The following CNTN1 variants were observed in gnomAD, a reference collection of about 807,000 sequenced individuals.
The protein encoded by CNTN1 is contactin 1.
A neutral mutation model predicts 126.4 loss-of-function variants in CNTN1; 38 were observed. The observed-to-expected ratio is 0.30, with a 90% CI of 0.23 to 0.39. The LOEUF (loss-of-function observed/expected upper bound fraction) is 0.39, where lower values mean the gene tolerates loss of function less well. Ranked by LOEUF, CNTN1 falls within the 10% of genes least tolerant of loss-of-function variation. The pLI is 1.00. For synonymous variants in CNTN1, 413 were observed against 422.6 expected, an observed-to-expected ratio of 0.98 and a Z score of 0.28; for missense variants, 1,009 against 1,248.4, an observed-to-expected ratio of 0.81 and a Z score of 2.89.
intron 1 of CNTN1, among the ~76,000 whole-genome samples, chr12:40,834,460 A>AGG (rs1941972308): frequency 6.6e-6 from 1 of 152,174 alleles, no homozygotes; most frequent in African/African-American, 2.4e-5. Context: ...AGCAGATGGA[A>AGG]GGGCAGCAAG....
chr12:41,056,010 G>GGTACCCT (rs1355927413), intron 23 of CNTN1, among the ~76,000 whole-genome samples: 1 of 152,012 alleles, frequency 6.6e-6, no homozygotes, highest in Non-Finnish European at 1.5e-5. Context: ...TGGATTAAGT[G>GGTACCCT]GTACCCTAAA....
chr12:40,905,114 T>C (rs1375880322), intron 1 of CNTN1, among the ~76,000 whole-genome samples: 2 of 152,270 alleles, frequency 1.3e-5, no homozygotes, highest in Non-Finnish European at 2.9e-5. Context: ...TAACTTTCCC[T>C]GTACACATTT....
intron 11 of CNTN1, among the ~76,000 whole-genome samples, chr12:40,938,892 G>A (rs745434655): frequency 2.6e-5 from 4 of 152,048 alleles, no homozygotes; most frequent in Non-Finnish European, 5.9e-5. Flanking sequence ...CTCCACCTCA[G>A]CCTCCTGGAT....
chr12:40,926,998 A>G (rs754387031), intron 6 of CNTN1, among the ~76,000 whole-genome samples: 10 of 152,096 alleles, frequency 6.6e-5, no homozygotes, highest in Non-Finnish European at 1.5e-4. Context: ...CCAAACGGAA[A>G]TCAAGGTGGC....
At chr12:40,918,931 T>C (rs1945340250) in intron 4 of CNTN1, among the ~76,000 whole-genome samples, 160 bp downstream of exon 4, 1 of 152,190 alleles carries the variant, frequency 6.6e-6, no homozygotes, top group South Asian at 2.1e-4. Context: ...TGCCTAATGC[T>C]CAAATAGCAG....
intron 1 of CNTN1, among the ~76,000 whole-genome samples, chr12:40,754,020 A>T (rs1938503010): frequency 6.6e-6 from 1 of 152,086 alleles, no homozygotes; most frequent in Non-Finnish European, 1.5e-5. Flanking sequence ...TCGTTAAATT[A>T]CCTTCAGAAA....
intron 1 of CNTN1, among the ~76,000 whole-genome samples, chr12:40,716,538 A>G (rs1422952080): frequency 6.6e-6 from 1 of 152,178 alleles, no homozygotes; most frequent in Non-Finnish European, 1.5e-5. Flanking sequence ...TGCCTACACC[A>G]CCTGGGTGTT....
At chr12:40,906,852 T>A (rs1944848480) in intron 1 of CNTN1, among the ~76,000 whole-genome samples, 2 of 151,796 alleles carry the variant, frequency 1.3e-5, no homozygotes, top group South Asian at 4.2e-4. Flanking sequence ...TAGTTTTATA[T>A]TTTTAGTAGA....
chr12:40,843,798 T>C (rs1464606402), intron 1 of CNTN1, among the ~76,000 whole-genome samples: 1 of 152,136 alleles, frequency 6.6e-6, no homozygotes, highest in African/African-American at 2.4e-5. Context: ...TTCTTAAAAA[T>C]AGCCTGAAAT....
chr12:40,871,187 A>G (rs1227835512), intron 1 of CNTN1, among the ~76,000 whole-genome samples: 6 of 23,486 alleles, frequency 2.6e-4, no homozygotes, highest in East Asian at 1.8e-3. Flanking sequence ...TGTTACAGAG[A>G]AAAAAAAAAA....
intron 16 of CNTN1, among the ~76,000 whole-genome samples, chr12:40,982,421 A>G (rs1566086714): frequency 2.0e-5 from 3 of 152,184 alleles, no homozygotes; most frequent in African/African-American, 7.2e-5. Flanking sequence ...AATGGTTTAA[A>G]TTTGGTTTGG....
chr12:40,971,699 A>G, intron 15 of CNTN1: 2 of 1,377,782 alleles, frequency 1.5e-6, no homozygotes, highest in East Asian at 2.9e-5. Context: ...TATAACTATA[A>G]TGCTTCACTA....
chr12:40,806,590 A>T (rs191962507), intron 1 of CNTN1, among the ~76,000 whole-genome samples: 18 of 152,216 alleles, frequency 1.2e-4, no homozygotes, highest in African/African-American at 4.1e-4. Flanking sequence ...CCTAACGCCA[A>T]TCTTCTTTAT....
intron 1 of CNTN1, among the ~76,000 whole-genome samples, chr12:40,697,288 T>G (rs1014730542): frequency 5.3e-5 from 8 of 152,196 alleles, no homozygotes; most frequent in Non-Finnish European, 8.8e-5. Flanking sequence ...TTTTAAAAAT[T>G]GGGATCATTT....
intron 14 of CNTN1, among the ~76,000 whole-genome samples, chr12:40,953,361 T>A (rs1188251396): frequency 6.6e-6 from 1 of 152,176 alleles, no homozygotes; most frequent in African/African-American, 2.4e-5. Context: ...TAGAATGTGC[T>A]GAGGCCCATG....
intron 16 of CNTN1, among the ~76,000 whole-genome samples, chr12:40,985,945 T>G (rs971256337): frequency 6.6e-6 from 1 of 152,102 alleles, no homozygotes; most frequent in Non-Finnish European, 1.5e-5. Flanking sequence ...ATTTCCTCTC[T>G]TGCTTACATA....
chr12:40,868,892 C>A (rs922370940), intron 1 of CNTN1, among the ~76,000 whole-genome samples: 25 of 152,098 alleles, frequency 1.6e-4, no homozygotes, highest in African/African-American at 6.0e-4. Context: ...AAAGAGTTGT[C>A]ATATGAATAA....
chr12:40,863,955 T>TCCCTCC (rs1565850919), intron 1 of CNTN1, among the ~76,000 whole-genome samples: 1 of 83,922 alleles, frequency 1.2e-5, no homozygotes, highest in African/African-American at 8.5e-5. Context: ...TCCCTCCCTC[T>TCCCTCC]CTTCTCCTTC....
intron 1 of CNTN1, among the ~76,000 whole-genome samples, chr12:40,808,778 C>T (rs546286529): frequency 3.3e-5 from 5 of 151,918 alleles, no homozygotes; most frequent in Admixed American, 6.6e-5. Context: ...TGAATATTTG[C>T]GAAAGAAAGA....
Sources: gnomAD v4.1 joint callset for allele counts (sites outside exome capture counted in the v4.1 genomes callset) on GRCh38, gnomAD v4.1.1 for gene constraint, MANE v1.5 for transcripts, NCBI Gene and HGNC (gene_info 2026-07-23, HGNC 2026-07-21) for gene names.